SLC30A6: variants seen among roughly 807,000 people sequenced by gnomAD.
SLC30A6 encodes solute carrier family 30 member 6, also known as zinc transporter 6.
SLC30A6 carries 55 observed loss-of-function variants against 63.0 expected under a neutral mutation model. The ratio of observed to expected loss-of-function variants is 0.87; its 90% CI spans 0.70 to 1.09. The LOEUF is 1.09. Ranked by LOEUF, SLC30A6 falls within the 50% of genes least tolerant of loss-of-function variation. SLC30A6 has a pLI of 0.00. For synonymous variants in SLC30A6, 224 were observed against 186.1 expected (o/e 1.20, Z -1.66); for missense variants, 587 against 549.2 (o/e 1.07, Z -0.69).
chr2:32,204,062 C>T, intron 10 of SLC30A6: 2 of 561,230 alleles, frequency 3.6e-6, no homozygotes, highest in Non-Finnish European at 3.2e-6. Context: ...GTATATTATG[C>T]ACCAAAAATT....
In SLC30A6 at chr2:32,199,803, G is replaced by T. The variant is rs1438337702; in HGVS notation, c.665+1977G>T. ...CATTTCTAATTCGTCTCCAAGCCTTGTGTAATTGTTTATTAATATTTATTT... is the reference window on the plus strand; with the variant it reads ...CATTTCTAATTCGTCTCCAAGCCTTTTGTAATTGTTTATTAATATTTATTT... On this transcript the variant is annotated intron_variant, in intron 10 of 13. Coordinates refer to ENST00000282587, the MANE Select transcript of SLC30A6 (RefSeq NM_017964.5). Among the ~76,000 whole-genome samples, 3 of 152,082 alleles carry T rather than the reference G, an allele frequency of 2.0e-5. No individual in the cohort carries two copies. The East Asian group carries it at 5.8e-4, about 29-fold the overall frequency.
At chr2:32,183,120 GA>G (rs1057436962) in intron 4 of SLC30A6, among the ~76,000 whole-genome samples, 2 of 152,050 alleles carry the variant, frequency 1.3e-5, no homozygotes, top group Admixed American at 6.5e-5. Flanking sequence ...CTGGGAGGCG[GA>G]GGTTGCAGTG....
At chr2:32,194,856 A>G (rs952502708) in intron 8 of SLC30A6, among the ~76,000 whole-genome samples, 1 of 152,222 alleles carries the variant, frequency 6.6e-6, no homozygotes, top group African/African-American at 2.4e-5. Flanking sequence ...AAAAAAATTC[A>G]TAATTTATAA....
chr2:32,191,680 C>G (rs1390915274), intron 5 of SLC30A6, among the ~76,000 whole-genome samples: 1 of 152,050 alleles, frequency 6.6e-6, no homozygotes, highest in Non-Finnish European at 1.5e-5. Context: ...ATCTATATGA[C>G]TCTAAACAGT....
At position 32,171,497 on chromosome 2, in the gene SLC30A6, T is replaced by C. The variant is rs1354145839; in HGVS notation, c.90+124T>C. ...CTGCCACACTGTTTTCATTTTTCTA[T>C]GTTGGAAAAGTATTTTTTTAGTGTA... On this transcript the variant is annotated intron_variant, in intron 2 of 13. Transcript: ENST00000282587. 7.4e-6 allele frequency: 5 copies of C among 678,012 alleles called. No individual in the cohort carries two copies. In the African/African-American group the frequency reaches 9.0e-5, roughly 12 times the overall value. 42.0% of individuals were successfully genotyped at this position (678,012 alleles called of 1,614,324 possible).
chr2:32,209,441 T>C (rs1558420912), intron 12 of SLC30A6, 52 bp from the exon 13 acceptor site: 2 of 1,412,254 alleles, frequency 1.4e-6, no homozygotes, highest in East Asian at 4.6e-5. Context: ...CTAAACTGCA[T>C]TGGATATGTT....
At chr2:32,214,761 A>G (rs1045704524) in intron 13 of SLC30A6, among the ~76,000 whole-genome samples, 2 of 152,228 alleles carry the variant, frequency 1.3e-5, no homozygotes, top group South Asian at 2.1e-4. Context: ...CACTGTAATT[A>G]TAGGAGACTT....
intron 1 of SLC30A6, among the ~76,000 whole-genome samples, chr2:32,166,215 A>G (rs1219820962): frequency 6.6e-6 from 1 of 152,226 alleles, no homozygotes; most frequent in Non-Finnish European, 1.5e-5. Flanking sequence ...GCCAGCGTCA[A>G]CAACTAGGCC....
chr2:32,200,659 G>A (rs1684206692), intron 10 of SLC30A6, among the ~76,000 whole-genome samples: 1 of 151,246 alleles, frequency 6.6e-6, no homozygotes, highest in African/African-American at 2.4e-5. Context: ...AAGGCAGCAT[G>A]CTCGTTAAGA....
At chr2:32,190,751 G>GGCA (rs1210574685) in intron 5 of SLC30A6, among the ~76,000 whole-genome samples, 1 of 151,998 alleles carries the variant, frequency 6.6e-6, no homozygotes, top group Non-Finnish European at 1.5e-5. Flanking sequence ...CAGCCTCCCA[G>GGCA]GCAGCTGGGA....
intron 5 of SLC30A6, among the ~76,000 whole-genome samples, chr2:32,185,976 C>T (rs1332153829): frequency 6.6e-6 from 1 of 151,746 alleles, no homozygotes; most frequent in African/African-American, 2.4e-5. Flanking sequence ...AATGATCCAC[C>T]TATCTCTGCC....
intron 12 of SLC30A6, among the ~76,000 whole-genome samples, chr2:32,207,298 C>G (rs1200126332): frequency 6.6e-6 from 1 of 151,960 alleles, no homozygotes; most frequent in Non-Finnish European, 1.5e-5. Flanking sequence ...GCAACCTCCA[C>G]CTCCCAGGCT....
At chr2:32,207,994 G>A (rs1193136437) in intron 12 of SLC30A6, among the ~76,000 whole-genome samples, 2 of 149,674 alleles carry the variant, frequency 1.3e-5, no homozygotes, top group African/African-American at 2.5e-5. Flanking sequence ...CACCAGGCCC[G>A]GCCTAACTTT....
rs538445892 is a variant in SLC30A6 at position 32,192,446 on chromosome 2, C to T, written c.365+30C>T. The T allele has an allele frequency of 8.9e-6, 14 of 1,570,134 alleles. No homozygotes were observed. In the African/African-American group the frequency reaches 1.4e-4, roughly 15 times the overall value. ...ATTTGTATAGGATATTATTCTAAAT[C>T]CCCCCATGACACCTTTGGGAACATG... On this transcript the variant is annotated intron_variant, in intron 6 of 13. Coordinates refer to ENST00000282587, the MANE Select transcript of SLC30A6 (RefSeq NM_017964.5).
At position 32,189,219 on chromosome 2, in the gene SLC30A6, C is replaced by T. The variant is rs1384391526; in HGVS notation, c.285-3117C>T. Among the ~76,000 whole-genome samples the T allele has an allele frequency of 2.0e-5, 3 of 151,506 alleles. No individual in the cohort carries two copies. The South Asian group carries it at 6.3e-4, about 32-fold the overall frequency. On this transcript the variant is annotated intron_variant, in intron 5 of 13. Coordinates refer to ENST00000282587, the MANE Select transcript of SLC30A6 (RefSeq NM_017964.5). The stretch of plus-strand genomic sequence containing the variant: ...TCCAGAGCAGTTTTACCAATTTATA[C>T]TCCCACTGGTAGTGTTTGAGAGTTG...
intron 13 of SLC30A6, among the ~76,000 whole-genome samples, chr2:32,212,528 T>G (rs1446723995): frequency 6.6e-6 from 1 of 151,774 alleles, no homozygotes; most frequent in East Asian, 1.9e-4. Flanking sequence ...TTCTGATGAT[T>G]TTGTGAACGA....
intron 13 of SLC30A6, among the ~76,000 whole-genome samples, chr2:32,218,113 TATCTAC>T (rs1685862033): frequency 3.3e-5 from 5 of 152,058 alleles, no homozygotes; most frequent in African/African-American, 1.2e-4. Context: ...ATTTGCTGAT[TATCTAC>T]TTTAAAAACA....
intron 12 of SLC30A6, among the ~76,000 whole-genome samples, chr2:32,209,230 G>T (rs1685046273): frequency 6.6e-6 from 1 of 152,188 alleles, no homozygotes; most frequent in Non-Finnish European, 1.5e-5. Flanking sequence ...AATTGGTTGG[G>T]GTAGGGGTTT....
At chr2:32,202,495 A>C in intron 10 of SLC30A6, 1 of 265,932 alleles carries the variant, frequency 3.8e-6, no homozygotes, top group Middle Eastern at 1.3e-3. Flanking sequence ...ACCCCCGACT[A>C]TTTTTTTTTG....
Sources: gnomAD v4.1 joint callset for allele counts (sites outside exome capture counted in the v4.1 genomes callset) on GRCh38, gnomAD v4.1.1 for gene constraint, MANE v1.5 for transcripts, NCBI Gene and HGNC (gene_info 2026-07-23, HGNC 2026-07-21) for gene names.